CHAF1A: variants seen among roughly 807,000 people sequenced by gnomAD.
The protein encoded by CHAF1A is chromatin assembly factor 1 subunit A.
A neutral mutation model predicts 93.2 loss-of-function variants in CHAF1A; 5 were observed. The observed-to-expected ratio is 0.05, with a 90% CI of 0.03 to 0.11. The LOEUF is 0.11. Among genes scored for constraint, CHAF1A ranks in the 10% least tolerant of loss-of-function variants. CHAF1A has a pLI of 1.00. For missense variants in CHAF1A, 1,102 were observed against 1,259.9 expected (o/e 0.87, Z 1.90); for synonymous variants, 504 against 510.3 (o/e 0.99, Z 0.17).
chr19:4,445,948 C>T (rs761082765), downstream of CHAF1A: 4 of 1,496,304 alleles, frequency 2.7e-6, no homozygotes, highest in Non-Finnish European at 3.6e-6. Context: ...AGGCCCCCTG[C>T]TCTGAGAACA....
intron 1 of CHAF1A, 48 bp from the exon 2 acceptor site, chr19:4,405,864 A>C (rs367828062): frequency 4.4e-5 from 69 of 1,557,558 alleles, no homozygotes; most frequent in Non-Finnish European, 3.5e-6. Context: ...TGCTAACTTG[A>C]TTATTTGCAG....
chr19:4,433,470 G>C lies in CHAF1A; in HGVS notation c.2604G>C (p.Ser868=). ...GGCCCAGCCAGGGCACTCCCATCTC[G>C]CTGAAGAGGAAGTCAGCGGGCAGCA... ...STGPSQGTPI[S]LKRKSAGSMC... Residue 868 remains serine, a synonymous_variant, in exon 13 of 15, where the codon TCG becomes TCC. Coordinates refer to ENST00000301280, the MANE Select transcript of CHAF1A (RefSeq NM_005483.3). This position sits in a 1 kb window ranked among gnomAD's most constrained non-coding sequence, Gnocchi z 5.6. 1 of 1,599,606 alleles carries C rather than the reference G, an allele frequency of 6.3e-7. No homozygotes were observed. Among genetic ancestry groups the C allele is most frequent in the Non-Finnish European group, 8.6e-7 (1 of 1,168,258 alleles).
intron 13 of CHAF1A, among the ~76,000 whole-genome samples, chr19:4,435,011 TGTTAAC>T (rs1365459184): frequency 2.0e-5 from 3 of 152,104 alleles, no homozygotes; most frequent in Non-Finnish European, 4.4e-5. Flanking sequence ...AGATCGGCTT[TGTTAAC>T]GTTCATTGCA....
chr19:4,429,280 C>A, intron 8 of CHAF1A, 158 bp from the exon 9 acceptor site: 1 of 823,562 alleles, frequency 1.2e-6, no homozygotes, highest in Non-Finnish European at 1.9e-6. Context: ...CCCTTCAGTC[C>A]ATGTTCCTGA....
chr19:4,420,366 C>T (rs1973970105), intron 4 of CHAF1A, among the ~76,000 whole-genome samples: 1 of 152,086 alleles, frequency 6.6e-6, no homozygotes, highest in Non-Finnish European at 1.5e-5. Context: ...CCTCGGTCTC[C>T]CAAGAAGCTG....
rs1213136265 is a variant in CHAF1A at position 4,443,125 on chromosome 19, C to T, written c.*100C>T. ...GTGTAAAGAGCACTTTGTCCTGCTT[C>T]ACGGACCTCCCCAAAGTGTGCAGAG... On this transcript the variant is annotated 3_prime_UTR_variant, in exon 15 of 15. Transcript: ENST00000301280. The T allele has an allele frequency of 1.3e-6, 1 of 793,892 alleles. No homozygotes were observed. Among genetic ancestry groups the T allele is most frequent in the Admixed American group, 2.0e-5 (1 of 49,984 alleles). The allele number at this position is 793,892 out of a possible 1,614,324, so 49.2% of individuals were successfully genotyped here.
chr19:4,409,646 A>C lies in CHAF1A; in HGVS notation c.847A>C (p.Ser283Arg). 1 of 1,614,142 alleles carries C rather than the reference A, an allele frequency of 6.2e-7. No homozygotes were observed. The highest frequency in any genetic ancestry group is 8.5e-7 in the Non-Finnish European group (1 of 1,180,022). Residue 283 changes from serine to arginine, a missense_variant, in exon 3 of 15, where the codon AGC becomes CGC. Ser to Arg is a moderately radical substitution (Grantham distance 110, BLOSUM62 -1). Coordinates refer to ENST00000301280, the MANE Select transcript of CHAF1A (RefSeq NM_005483.3). ...TTTCCCCGAAGAAGACTCTGTACTCAGCCATTCGTCCCTGAGCTCTCCCTC... is the reference window on the plus strand; with the variant it reads ...TTTCCCCGAAGAAGACTCTGTACTCCGCCATTCGTCCCTGAGCTCTCCCTC... ...ESFPEEDSVL[S>R]HSSLSSPSST... is the part of the protein sequence containing the mutation.
At chr19:4,409,963 C>T (rs1406517744) in intron 3 of CHAF1A, among the ~76,000 whole-genome samples, 6 of 152,218 alleles carry the variant, frequency 3.9e-5, no homozygotes, top group African/African-American at 1.4e-4. Flanking sequence ...GGACTTAATT[C>T]ATCAACAGTG....
chr19:4,408,253 C>T (rs774945055), intron 2 of CHAF1A, among the ~76,000 whole-genome samples: 23 of 144,906 alleles, frequency 1.6e-4, no homozygotes, highest in Middle Eastern at 3.8e-3. Context: ...AGTGCAGTGG[C>T]GTGATCTCAG....
chr19:4,429,145 AC>A, intron 8 of CHAF1A: 2 of 587,182 alleles, frequency 3.4e-6, no homozygotes, highest in Non-Finnish European at 6.0e-6. Context: ...AGTGAAGGAT[AC>A]CCCCCAACAC....
At chr19:4,441,113 T>G (rs558582476) in intron 13 of CHAF1A, among the ~76,000 whole-genome samples, 2 of 151,342 alleles carry the variant, frequency 1.3e-5, no homozygotes, top group South Asian at 4.2e-4. Context: ...AGGTCAAGAG[T>G]TCGAGACCAG....
chr19:4,425,351 C>T (rs1974062911), intron 7 of CHAF1A, among the ~76,000 whole-genome samples: 1 of 152,146 alleles, frequency 6.6e-6, no homozygotes, highest in African/African-American at 2.4e-5. Flanking sequence ...CTCCCGGGTT[C>T]AAGCAATTCT....
chr19:4,403,566 C>A (rs1016542440), intron 1 of CHAF1A, among the ~76,000 whole-genome samples: 1 of 152,292 alleles, frequency 6.6e-6, no homozygotes, highest in African/African-American at 2.4e-5. Context: ...AGTCCAGTTT[C>A]TCAGCCTCAG....
chr19:4,423,002 C>T (rs569692769), intron 5 of CHAF1A, among the ~76,000 whole-genome samples: 55 of 152,324 alleles, frequency 3.6e-4, no homozygotes, highest in Admixed American at 2.0e-3. Flanking sequence ...CCACGTCCAA[C>T]TCACCCTGGA....
chr19:4,445,456 A>T (rs747474407), downstream of CHAF1A: 3 of 1,612,402 alleles, frequency 1.9e-6, no homozygotes, highest in South Asian at 3.3e-5. Context: ...CAGGGAGAGC[A>T]TGAGACAGAC....
chr19:4,448,577 C>A (rs1974590279), downstream of CHAF1A: 2 of 645,628 alleles, frequency 3.1e-6, no homozygotes, highest in South Asian at 3.7e-5. Flanking sequence ...CCTCCAAGAC[C>A]GCAGCCCTGC....
intron 3 of CHAF1A, among the ~76,000 whole-genome samples, chr19:4,414,226 C>T (rs1389096274): frequency 7.9e-5 from 12 of 152,026 alleles, no homozygotes; most frequent in Admixed American, 7.9e-4. Flanking sequence ...CATGGTGAAA[C>T]TCCGTCTGTA....
At position 4,417,945 on chromosome 19, in the gene CHAF1A, A is replaced by G. The variant is rs561479716; in HGVS notation, c.961-75A>G. The G allele has an allele frequency of 3.8e-4, 397 of 1,049,112 alleles. 1 individual carries two copies. In the African/African-American group the frequency reaches 4.1e-3, roughly 11 times the overall value. 65.0% of individuals were successfully genotyped at this position (1,049,112 alleles called of 1,614,324 possible). ...GGTTCTGTTGGTGGAAAAACTGATC[A>G]CCTGGAAAGGTTTCTCTTTTTCTCG... On this transcript the variant is annotated intron_variant, in intron 3 of 14. Coordinates refer to ENST00000301280, the MANE Select transcript of CHAF1A (RefSeq NM_005483.3).
chr19:4,442,422 C>A, intron 14 of CHAF1A, 81 bp downstream of exon 14: 1 of 1,169,700 alleles, frequency 8.5e-7, no homozygotes, highest in Non-Finnish European at 1.2e-6. Flanking sequence ...GATGGGGCTG[C>A]CTAAGACTAG....
Sources: gnomAD v4.1 joint callset for allele counts (sites outside exome capture counted in the v4.1 genomes callset) on GRCh38, gnomAD v4.1.1 for gene constraint, Gnocchi (gnomAD v3.1) non-coding constraint, MANE v1.5 for transcripts, NCBI Gene and HGNC (gene_info 2026-07-23, HGNC 2026-07-21) for gene names.